PCLO: variants seen among roughly 807,000 people sequenced by gnomAD.
The protein encoded by PCLO is protein piccolo.
PCLO carries 82 observed loss-of-function variants against 427.5 expected under a neutral mutation model. That is an observed-to-expected ratio of 0.19 (90% CI 0.16 to 0.23). The LOEUF (loss-of-function observed/expected upper bound fraction) is 0.23, where lower values mean the gene tolerates loss of function less well. PCLO is among the 10% of genes least tolerant of loss of function. The pLI is 1.00. For missense variants in PCLO, 6,239 were observed against 6,115.9 expected, an observed-to-expected ratio of 1.02 and a Z score of -0.67; for synonymous variants, 2,357 against 2,155.4, an observed-to-expected ratio of 1.09 and a Z score of -2.59.
At chr7:82,863,861 A>G (rs2115932468) in intron 10 of PCLO, among the ~76,000 whole-genome samples, 1 of 152,148 alleles carries the variant, frequency 6.6e-6, no homozygotes, top group Admixed American at 6.5e-5. Flanking sequence ...AATTTAACCC[A>G]TTTCACTTGT....
chr7:82,788,263 T>A (rs1052604152), intron 22 of PCLO, among the ~76,000 whole-genome samples: 1 of 147,846 alleles, frequency 6.8e-6, no homozygotes, highest in Admixed American at 6.8e-5. Flanking sequence ...TAATTTATAT[T>A]AGTATATAAA....
intron 9 of PCLO, among the ~76,000 whole-genome samples, chr7:82,891,202 T>C (rs1331379964): frequency 1.3e-5 from 2 of 152,120 alleles, no homozygotes; most frequent in Non-Finnish European, 2.9e-5. Flanking sequence ...CACTGATAAA[T>C]ACAAGAAAAT....
chr7:83,136,839 GAA>G (rs1293035130), intron 2 of PCLO, among the ~76,000 whole-genome samples: 1 of 152,032 alleles, frequency 6.6e-6, no homozygotes, highest in African/African-American at 2.4e-5. Flanking sequence ...CATCTATTGT[GAA>G]AAGATGTTGT....
intron 7 of PCLO, among the ~76,000 whole-genome samples, chr7:82,912,160 T>C (rs1401459257): frequency 6.6e-6 from 1 of 152,068 alleles, no homozygotes; most frequent in African/African-American, 2.4e-5. Context: ...ACCTGTAGAA[T>C]GTTATACTAC....
intron 20 of PCLO, among the ~76,000 whole-genome samples, chr7:82,819,796 T>C (rs1584008420): frequency 2.0e-5 from 3 of 152,260 alleles, no homozygotes; most frequent in East Asian, 3.9e-4. Context: ...TTTAATTTTA[T>C]GAGAATAAAA....
rs191439227 is a variant in PCLO, at chr7:82,972,088, A to G, written c.3301-5601T>C. On this transcript the variant is annotated intron_variant, in intron 3 of 24. Coordinates refer to ENST00000333891, the MANE Select transcript of PCLO (RefSeq NM_033026.6). ...AGGGTATCAAAATTCATCTCTAAGT[A>G]GGAAACATTCTGACAAGTAGAATAT... Among the ~76,000 whole-genome samples the G allele has an allele frequency of 1.3e-4, 20 of 152,138 alleles. No homozygotes were observed. The East Asian group carries it at 3.9e-3, about 29-fold the overall frequency.
intron 3 of PCLO, among the ~76,000 whole-genome samples, chr7:83,103,191 T>C (rs17157168): frequency 0.46 from 69,641 of 151,646 alleles, 16,405 homozygotes; most frequent in East Asian, 0.71. Flanking sequence ...CAACTATTGT[T>C]TTTGAGAAGA....
rs1795512271 is a variant in PCLO at position 82,956,146 on chromosome 7, T to A, written c.4807A>T (p.Ile1603Leu). The change falls in exon 5 of 25, where the codon ATA becomes TTA. Residue 1603 changes from isoleucine to leucine, a missense_variant. Transcript: ENST00000333891. ...AGTCGTCTGTGTTTCCCTGCTGTTA[T>A]TTTGCCTTTTCCCTTTGTTTCTTCC... ...KKEETKGKGK[I>L]TAGKHRRLTR... 6.2e-7 allele frequency: 1 copy of A among 1,608,724 alleles called. No individual in the cohort carries two copies. Among genetic ancestry groups the A allele is most frequent in the African/African-American group, 1.3e-5 (1 of 75,042 alleles).
rs1163866980 is a variant in PCLO, at chr7:82,955,094, C to T, written c.5859G>A (p.Glu1953=). 2 of 1,613,606 alleles carry T rather than the reference C, an allele frequency of 1.2e-6. No homozygotes were observed. Among genetic ancestry groups the T allele is most frequent in the African/African-American group, 1.3e-5 (1 of 74,880 alleles). The change falls in exon 5 of 25, where the codon GAG becomes GAA. Residue 1953 remains glutamate (E), a synonymous_variant. Coordinates refer to ENST00000333891, the MANE Select transcript of PCLO (RefSeq NM_033026.6). ...KEPLYGGMLI[E]DYIYESLVED... ...CTACTAAAGATTCATAAATATAATC[C>T]TCTATTAGCATCCCACCATACAAAG...
chr7:83,031,095 C>G (rs1445797408), intron 3 of PCLO, among the ~76,000 whole-genome samples: 1 of 152,128 alleles, frequency 6.6e-6, no homozygotes, highest in Non-Finnish European at 1.5e-5. Flanking sequence ...CTGAGCTGCA[C>G]TGTTCATACT....
intron 3 of PCLO, among the ~76,000 whole-genome samples, chr7:83,015,441 T>C (rs369381079): frequency 1.3e-5 from 2 of 152,096 alleles, no homozygotes; most frequent in East Asian, 1.9e-4. Flanking sequence ...CTCTCCCAAG[T>C]TCCATATATT....
At chr7:82,930,865 T>C (rs562588400) in intron 6 of PCLO, among the ~76,000 whole-genome samples, 1 of 152,308 alleles carries the variant, frequency 6.6e-6, no homozygotes, top group East Asian at 1.9e-4. Flanking sequence ...GCAAGCCATA[T>C]TGATAACTTG....
At chr7:82,771,841 A>G (rs1230204862) in intron 22 of PCLO, among the ~76,000 whole-genome samples, 1 of 152,124 alleles carries the variant, frequency 6.6e-6, no homozygotes, top group Non-Finnish European at 1.5e-5. Context: ...CTGGGGACCC[A>G]GGATTTGTGA....
chr7:83,141,524 G>C (rs1290417621), intron 2 of PCLO, among the ~76,000 whole-genome samples: 3 of 152,202 alleles, frequency 2.0e-5, no homozygotes, highest in African/African-American at 7.2e-5. Context: ...GATTTAATGT[G>C]CTATATAAAT....
intron 3 of PCLO, among the ~76,000 whole-genome samples, chr7:83,049,982 T>C (rs1789193156): frequency 6.6e-6 from 1 of 151,444 alleles, no homozygotes; most frequent in Non-Finnish European, 1.5e-5. Context: ...TCAAATTTGT[T>C]ATTTCTTCAT....
intron 3 of PCLO, among the ~76,000 whole-genome samples, chr7:82,975,449 G>A (rs1776760682): frequency 6.6e-6 from 1 of 152,154 alleles, no homozygotes; most frequent in Non-Finnish European, 1.5e-5. Context: ...GAAATGCATA[G>A]AAGGTGGGTC....
intron 22 of PCLO, among the ~76,000 whole-genome samples, chr7:82,772,423 T>C (rs1790666726): frequency 6.6e-6 from 1 of 152,132 alleles, no homozygotes. Flanking sequence ...CACATTCTCA[T>C]GTTTTAGGGC....
chr7:83,022,249 A>G (rs1301823079), intron 3 of PCLO, among the ~76,000 whole-genome samples: 1 of 152,192 alleles, frequency 6.6e-6, no homozygotes, highest in East Asian at 1.9e-4. Context: ...TGGTGTCTTG[A>G]TCTTAGACTT....
intron 22 of PCLO, among the ~76,000 whole-genome samples, chr7:82,798,645 C>T (rs893381298): frequency 6.6e-6 from 1 of 152,064 alleles, no homozygotes; most frequent in Non-Finnish European, 1.5e-5. Flanking sequence ...TTTAAAATTG[C>T]CTCTGAAAGT....
Sources: allele counts gnomAD v4.1 joint callset (sites outside exome capture counted in the v4.1 genomes callset), GRCh38; gene constraint gnomAD v4.1.1; transcripts MANE v1.5; gene names NCBI Gene and HGNC (gene_info 2026-07-23, HGNC 2026-07-21).